ABCB11: variants seen among roughly 807,000 people sequenced by gnomAD.
The protein encoded by ABCB11 is ATP binding cassette subfamily B member 11, also known as bile salt export pump.
Under a neutral mutation model 148.0 loss-of-function variants are expected in ABCB11, and 95 were observed. That is an observed-to-expected ratio of 0.64 (90% CI 0.54 to 0.76). The LOEUF (loss-of-function observed/expected upper bound fraction) is 0.76, where lower values mean the gene tolerates loss of function less well. Among genes scored for constraint, ABCB11 ranks in the 30% least tolerant of loss-of-function variants. ABCB11 has a pLI of 0.00. For synonymous variants in ABCB11, 591 were observed against 555.4 expected, an observed-to-expected ratio of 1.06 and a Z score of -0.90; for missense variants, 1,523 against 1,617.8, an observed-to-expected ratio of 0.94 and a Z score of 1.01.
chr2:168,950,027 C>T (rs1209560378), intron 19 of ABCB11, among the ~76,000 whole-genome samples: 1 of 151,192 alleles, frequency 6.6e-6, no homozygotes, highest in Non-Finnish European at 1.5e-5. Context: ...CCTTGCCCCT[C>T]AAGCTTGCAG....
At chr2:169,007,619 A>G (rs1196630426) in intron 5 of ABCB11, among the ~76,000 whole-genome samples, 1 of 152,220 alleles carries the variant, frequency 6.6e-6, no homozygotes, top group Non-Finnish European at 1.5e-5. Flanking sequence ...GGATTTGGCA[A>G]TAGTTTCTTA....
intron 5 of ABCB11, among the ~76,000 whole-genome samples, chr2:169,007,516 G>A (rs1020866496): frequency 6.6e-6 from 1 of 152,156 alleles, no homozygotes; most frequent in African/African-American, 2.4e-5. Flanking sequence ...AAGGCCTTAG[G>A]AAATTTACAC....
chr2:168,976,050 C>G (rs1468770865), intron 12 of ABCB11, among the ~76,000 whole-genome samples: 1 of 151,944 alleles, frequency 6.6e-6, no homozygotes, highest in African/African-American at 2.4e-5. Flanking sequence ...TCACCATGTG[C>G]CCTGAACAAG....
intron 21 of ABCB11, among the ~76,000 whole-genome samples, chr2:168,943,448 T>C (rs752534358): frequency 1.3e-5 from 2 of 151,998 alleles, no homozygotes; most frequent in African/African-American, 2.4e-5. Flanking sequence ...AAAACGTAAC[T>C]AGAGAATCCT....
At chr2:169,020,135 CAAGAT>C (rs1695491955) in intron 1 of ABCB11, among the ~76,000 whole-genome samples, 1 of 152,102 alleles carries the variant, frequency 6.6e-6, no homozygotes, top group Non-Finnish European at 1.5e-5. Flanking sequence ...AACTTGAACA[CAAGAT>C]AAGGTGTTCG....
intron 1 of ABCB11, among the ~76,000 whole-genome samples, chr2:169,019,337 A>G (rs1695468443): frequency 6.6e-6 from 1 of 152,210 alleles, no homozygotes; most frequent in South Asian, 2.1e-4. Flanking sequence ...AGAATTTTCC[A>G]GAAGCAATTA....
intron 23 of ABCB11, among the ~76,000 whole-genome samples, chr2:168,934,120 T>C (rs1352380686): frequency 6.6e-6 from 1 of 150,958 alleles, no homozygotes; most frequent in Non-Finnish European, 1.5e-5. Flanking sequence ...TAAATTATTC[T>C]AAAATTATTC....
intron 5 of ABCB11, among the ~76,000 whole-genome samples, chr2:169,011,365 T>C (rs951410091): frequency 6.6e-6 from 1 of 152,160 alleles, no homozygotes; most frequent in Non-Finnish European, 1.5e-5. Context: ...TAAAAAGCAG[T>C]TCACTTCTGT....
At chr2:168,936,073 C>A (rs1443121783) in intron 22 of ABCB11, among the ~76,000 whole-genome samples, 157 bp downstream of exon 22, 1 of 152,192 alleles carries the variant, frequency 6.6e-6, no homozygotes, top group Non-Finnish European at 1.5e-5. Context: ...TCAGCCTTTG[C>A]GCCAAGCACG....
intron 13 of ABCB11, among the ~76,000 whole-genome samples, chr2:168,973,251 T>C (rs2892807): frequency 1 from 152,098 of 152,110 alleles, 76,043 homozygotes; most frequent in Middle Eastern, 1. Flanking sequence ...TGTCCTTAGG[T>C]GGTTTCATCA....
downstream of ABCB11, among the ~76,000 whole-genome samples, chr2:168,917,168 A>C (rs917250978): frequency 2.0e-5 from 3 of 151,214 alleles, no homozygotes; most frequent in Non-Finnish European, 2.9e-5. Context: ...TGTAGAGTAC[A>C]TTTAGAGTAA....
chr2:168,924,735 A>C lies in ABCB11; in HGVS notation c.3687T>G (p.Ile1229Met), dbSNP rs780956310. 1.2e-5 allele frequency: 20 copies of C among 1,613,796 alleles called. No homozygotes were observed. The highest frequency in any genetic ancestry group is 9.9e-5 in the South Asian group (9 of 91,076). ...LSRGEKQRIA[I>M]ARAIVRDPKI... is the part of the protein sequence containing the mutation. ...TAGGATCTCGTACAATGGCCCGAGC[A>C]ATAGCAATGCGTTGTTTCTCCCCTC... Residue 1229 changes from isoleucine (I) to methionine (M), a missense_variant, in exon 27 of 28, where the codon ATT becomes ATG. Physicochemically the swap from Ile to Met is conservative, Grantham distance 10. Coordinates refer to ENST00000650372, the MANE Select transcript of ABCB11 (RefSeq NM_003742.4).
At chr2:169,006,871 G>A (rs10184113) in intron 5 of ABCB11, among the ~76,000 whole-genome samples, 18,589 of 152,092 alleles carry the variant, frequency 0.12, 1,824 homozygotes, top group African/African-American at 0.27. Flanking sequence ...TATTCTGAAA[G>A]CTATAAAACC....
intron 10 of ABCB11, 107 bp from the exon 11 acceptor site, chr2:168,980,086 C>T (rs1694084859): frequency 1.6e-6 from 1 of 625,062 alleles, no homozygotes; most frequent in East Asian, 3.2e-5. Context: ...CAGAAATTCT[C>T]TTCTGTGGGT....
At chr2:168,998,000 G>T (rs1694765896) in intron 5 of ABCB11, among the ~76,000 whole-genome samples, 1 of 151,938 alleles carries the variant, frequency 6.6e-6, no homozygotes, top group South Asian at 2.1e-4. Context: ...ACCAGCTAAG[G>T]TCTCTTGTGC....
intron 1 of ABCB11, among the ~76,000 whole-genome samples, chr2:169,025,968 C>T (rs1695681842): frequency 1.3e-5 from 2 of 152,134 alleles, no homozygotes; most frequent in Non-Finnish European, 2.9e-5. Context: ...GGTATTTGTT[C>T]TAAATTGGAT....
chr2:168,953,666 G>T (rs1395819905), intron 19 of ABCB11, among the ~76,000 whole-genome samples: 1 of 151,120 alleles, frequency 6.6e-6, no homozygotes, highest in African/African-American at 2.4e-5. Flanking sequence ...ATTTAATAGT[G>T]GACATTTAAT....
At chr2:168,932,353 G>A (rs1691608332) in intron 24 of ABCB11, 24 bp downstream of exon 24, 4 of 1,540,652 alleles carry the variant, frequency 2.6e-6, no homozygotes, top group Non-Finnish European at 3.5e-6. Context: ...CTTTTTTATG[G>A]CTGCATAGTA....
intron 19 of ABCB11, 148 bp downstream of exon 19, chr2:168,957,816 T>C (rs1424060669): frequency 1.9e-5 from 14 of 733,126 alleles, no homozygotes; most frequent in African/African-American, 5.3e-5. Context: ...CTCTGTGTGA[T>C]GGAGGCTTAG....
Sources: gnomAD v4.1 joint callset for allele counts (sites outside exome capture counted in the v4.1 genomes callset) on GRCh38, gnomAD v4.1.1 for gene constraint, MANE v1.5 for transcripts, NCBI Gene and HGNC (gene_info 2026-07-23, HGNC 2026-07-21) for gene names.